ADGRL3: variants seen among roughly 807,000 people sequenced by gnomAD.
ADGRL3 encodes calcium-independent alpha-latrotoxin receptor 3.
A neutral mutation model predicts 153.5 loss-of-function variants in ADGRL3; 62 were observed. The ratio of observed to expected loss-of-function variants is 0.40; its 90% CI spans 0.33 to 0.50. The LOEUF (loss-of-function observed/expected upper bound fraction) is 0.50, where lower values mean the gene tolerates loss of function less well. Among genes scored for constraint, ADGRL3 ranks in the 20% least tolerant of loss-of-function variants. ADGRL3 has a pLI of 0.47. For missense variants in ADGRL3, 1,641 were observed against 1,859.4 expected (o/e 0.88, Z 2.16); for synonymous variants, 710 against 672.5 (o/e 1.06, Z -0.86).
chr4:61,259,349 G>A (rs2092310363), intron 1 of ADGRL3, among the ~76,000 whole-genome samples: 1 of 151,916 alleles, frequency 6.6e-6, no homozygotes, highest in Non-Finnish European at 1.5e-5. Flanking sequence ...CGTGAACCCG[G>A]GAGGCGGAGT....
intron 3 of ADGRL3, among the ~76,000 whole-genome samples, chr4:61,499,146 A>ATGCAT (rs1241707575): frequency 6.6e-6 from 1 of 152,182 alleles, no homozygotes; most frequent in African/African-American, 2.4e-5. Flanking sequence ...AAGTTTTAAC[A>ATGCAT]TGCATTGCAT....
At chr4:61,276,128 C>A (rs1006501971) in intron 1 of ADGRL3, among the ~76,000 whole-genome samples, 2 of 152,028 alleles carry the variant, frequency 1.3e-5, no homozygotes. Flanking sequence ...ACTCTGAAAA[C>A]CAATCCATTA....
intron 4 of ADGRL3, among the ~76,000 whole-genome samples, chr4:61,546,149 T>G (rs2098712933): frequency 6.6e-6 from 1 of 152,182 alleles, no homozygotes; most frequent in African/African-American, 2.4e-5. Context: ...GAGGGAACAT[T>G]TTAAGACACA....
At chr4:61,675,464 C>A (rs542738840) in intron 5 of ADGRL3, among the ~76,000 whole-genome samples, 2 of 151,728 alleles carry the variant, frequency 1.3e-5, no homozygotes, top group Admixed American at 1.3e-4. Context: ...TAGAACGTTT[C>A]TGAGTGAAAT....
chr4:61,667,397 A>G (rs2094837233), intron 5 of ADGRL3, among the ~76,000 whole-genome samples: 1 of 152,180 alleles, frequency 6.6e-6, no homozygotes, highest in Non-Finnish European at 1.5e-5. Context: ...TTTTTAGAGC[A>G]TAGGCAAATA....
At chr4:61,731,442 T>G (rs1213029395) in intron 7 of ADGRL3, among the ~76,000 whole-genome samples, 5 of 152,096 alleles carry the variant, frequency 3.3e-5, no homozygotes, top group Admixed American at 2.0e-4. Flanking sequence ...TTTTCTAATT[T>G]TTTCACCCAG....
At chr4:61,400,231 A>G (rs2096913641) in intron 2 of ADGRL3, among the ~76,000 whole-genome samples, 1 of 151,814 alleles carries the variant, frequency 6.6e-6, no homozygotes, top group African/African-American at 2.4e-5. Context: ...CAAGTGTAGT[A>G]ATTATAGAAA....
At position 61,768,507 on chromosome 4, in the gene ADGRL3, T is replaced by G. The variant is rs375987214; in HGVS notation, c.1399+34953T>G. 5.7e-4 allele frequency among the ~76,000 whole-genome samples: 87 copies of G among 152,182 alleles called. 2 individuals carry two copies. The East Asian group carries it at 0.012, about 21-fold the overall frequency. Reference sequence around the variant, plus strand: ...CTGATGTGTAAAAGAATGCCTGGACTTCAGGCACCTCAGACCATTTGCCCA... The same window carrying G: ...CTGATGTGTAAAAGAATGCCTGGACGTCAGGCACCTCAGACCATTTGCCCA... On this transcript the variant is annotated intron_variant, in intron 8 of 26. Coordinates refer to ENST00000683033, the MANE Select transcript of ADGRL3 (RefSeq NM_001387552.1).
intron 2 of ADGRL3, among the ~76,000 whole-genome samples, chr4:61,421,603 A>T (rs531318046): frequency 6.6e-6 from 1 of 152,298 alleles, no homozygotes; most frequent in Admixed American, 6.5e-5. Context: ...GATGCCACTT[A>T]CAAGTAGGAA....
intron 6 of ADGRL3, among the ~76,000 whole-genome samples, chr4:61,716,089 A>G (rs1033690292): frequency 6.6e-6 from 1 of 151,954 alleles, no homozygotes; most frequent in Non-Finnish European, 1.5e-5. Flanking sequence ...ATTTGCTCAA[A>G]TGGAAGCAAA....
At chr4:61,600,230 C>A (rs1417965946) in intron 5 of ADGRL3, among the ~76,000 whole-genome samples, 1 of 129,056 alleles carries the variant, frequency 7.7e-6, no homozygotes, top group African/African-American at 2.9e-5. Flanking sequence ...ATCGCTTGGA[C>A]CTGGGAGGCA....
intron 25 of ADGRL3, among the ~76,000 whole-genome samples, chr4:62,062,692 G>A (rs574269445): frequency 1.1e-4 from 16 of 152,106 alleles, no homozygotes; most frequent in Non-Finnish European, 2.2e-4. Flanking sequence ...AGAACAAAAA[G>A]TATTAACAAA....
At chr4:61,213,606 T>G (rs1741182781) in intron 1 of ADGRL3, among the ~76,000 whole-genome samples, 2 of 152,194 alleles carry the variant, frequency 1.3e-5, no homozygotes, top group African/African-American at 4.8e-5. Flanking sequence ...ATTTTTGCTT[T>G]GATTATCTGC....
chr4:61,361,269 G>A (rs1408995518), intron 1 of ADGRL3, among the ~76,000 whole-genome samples: 3 of 152,170 alleles, frequency 2.0e-5, no homozygotes, highest in Admixed American at 6.5e-5. Context: ...GATGATTTAT[G>A]TGTAGAAAAC....
intron 6 of ADGRL3, among the ~76,000 whole-genome samples, chr4:61,691,237 AG>A (rs1373592801): frequency 6.6e-6 from 1 of 152,194 alleles, no homozygotes; most frequent in Non-Finnish European, 1.5e-5. Flanking sequence ...GCTGCTACTT[AG>A]GTACCTGATG....
chr4:61,537,045 C>A (rs577569862), intron 4 of ADGRL3, among the ~76,000 whole-genome samples: 1 of 152,006 alleles, frequency 6.6e-6, no homozygotes, highest in African/African-American at 2.4e-5. Context: ...GTTTAGAACT[C>A]CTTTGAGTAT....
intron 11 of ADGRL3, among the ~76,000 whole-genome samples, chr4:61,907,715 CATTA>C (rs1434287679): frequency 6.6e-6 from 1 of 151,718 alleles, no homozygotes; most frequent in Non-Finnish European, 1.5e-5. Context: ...TGTGATAAAG[CATTA>C]ATTTTCTTAA....
Position 61,934,863 on chromosome 4 carries a change from C to T in ADGRL3, c.2136C>T (p.Asn712=). 1.2e-6 allele frequency: 2 copies of T among 1,613,680 alleles called. No homozygotes were observed. The highest frequency in any genetic ancestry group is 1.1e-5 in the South Asian group (1 of 91,076). ...AGGCAATGGTCGAGACAGTTAACAA[C>T]CTCCTTCAGCCACAAGCTTTGAATG... The part of the protein sequence containing the change: ...YVQAMVETVN[N]LLQPQALNAW... Residue 712 remains asparagine (N), a synonymous_variant, in exon 14 of 27, where the codon AAC becomes AAT. Transcript: ENST00000683033.
intron 6 of ADGRL3, among the ~76,000 whole-genome samples, chr4:61,713,652 G>A (rs560347350): frequency 8.6e-5 from 13 of 151,846 alleles, no homozygotes; most frequent in Middle Eastern, 6.8e-3. Context: ...CTGAACTAAC[G>A]ATGATTTTTC....
Sources: gnomAD v4.1 joint callset for allele counts (sites outside exome capture counted in the v4.1 genomes callset) on GRCh38, gnomAD v4.1.1 for gene constraint, MANE v1.5 for transcripts, NCBI Gene and HGNC (gene_info 2026-07-23, HGNC 2026-07-21) for gene names.